CLDN2: variants seen among roughly 807,000 people sequenced by gnomAD.
CLDN2 encodes claudin 2, also known as claudin-2.
CLDN2 carries 1 observed loss-of-function variant against 8.2 expected under a neutral mutation model. The observed-to-expected ratio is 0.12, with a 90% confidence interval of 0.04 to 0.58. The LOEUF is 0.58. Among genes scored for constraint, CLDN2 ranks in the 20% least tolerant of loss-of-function variants. The pLI, the probability that CLDN2 is intolerant of heterozygous loss-of-function variation, is 0.90. For missense variants in CLDN2, 108 were observed against 172.9 expected (o/e 0.62, Z 2.11); for synonymous variants, 70 against 70.2 (o/e 1.00, Z 0.01).
chrX:106,928,799 C>A lies in CLDN2; in HGVS notation c.571C>A (p.Arg191Ser). ...LCFSCSSQRN[R>S]SNYYDAYQAQ... ...CTTTTCCTGCTCATCCCAGAGAAAT[C>A]GCTCCAACTACTACGATGCCTACCA... The change falls in exon 2 of 2, where the codon CGC becomes AGC. Residue 191 changes from arginine to serine, a missense_variant. Arg to Ser is a moderately radical substitution (Grantham distance 110). Coordinates refer to ENST00000336803, the MANE Select transcript of CLDN2 (RefSeq NM_020384.4). 1 of 1,211,164 alleles carries A rather than the reference C, an allele frequency of 8.3e-7. No homozygotes were observed. The highest frequency in any genetic ancestry group is 1.7e-5 in the African/African-American group (1 of 57,710).
chrX:106,907,797 T>C (rs1371757770), intron 1 of CLDN2, among the ~76,000 whole-genome samples: 2 of 110,855 alleles, frequency 1.8e-5, no homozygotes, highest in Non-Finnish European at 3.8e-5. Flanking sequence ...TTTTTGGTAG[T>C]AAAATGTTCT....
intron 1 of CLDN2, among the ~76,000 whole-genome samples, chrX:106,911,657 C>T (rs751340338): frequency 4.4e-5 from 5 of 112,380 alleles, no homozygotes; most frequent in African/African-American, 1.6e-4. Context: ...GTAGGGGTGC[C>T]AGCCCTCTTT....
chrX:106,913,653 C>T (rs1933273705), upstream of CLDN2, among the ~76,000 whole-genome samples: 1 of 111,567 alleles, frequency 9.0e-6, no homozygotes, highest in African/African-American at 3.3e-5. Flanking sequence ...CCTGAGTTCC[C>T]TGCTTAGGGT....
At chrX:106,908,748 A>T (rs750971415) in intron 1 of CLDN2, among the ~76,000 whole-genome samples, 1 of 109,396 alleles carries the variant, frequency 9.1e-6, no homozygotes, top group African/African-American at 3.3e-5. Flanking sequence ...CCCAACACCC[A>T]TGGCTATTTT....
At chrX:106,921,627 A>G (rs947334755) in intron 1 of CLDN2, among the ~76,000 whole-genome samples, 6 of 112,129 alleles carry the variant, frequency 5.4e-5, no homozygotes, top group East Asian at 5.6e-4. Context: ...TACCATGCAC[A>G]AGACTCTTGG....
upstream of CLDN2, among the ~76,000 whole-genome samples, chrX:106,919,932 T>A (rs755113809): frequency 1.7e-4 from 19 of 112,503 alleles, no homozygotes; most frequent in Middle Eastern, 4.6e-3. Flanking sequence ...ACAGTACCCA[T>A]GTTTGCCCTT....
At chrX:106,900,855 A>G in intron 1 of CLDN2, 1 of 1,210,918 alleles carries the variant, frequency 8.3e-7, no homozygotes, top group Non-Finnish European at 1.1e-6. Flanking sequence ...CTGCAGTAAA[A>G]TCTCCCCAGC....
intron 1 of CLDN2, among the ~76,000 whole-genome samples, chrX:106,921,938 G>A (rs1933398912): frequency 8.9e-6 from 1 of 112,342 alleles, no homozygotes; most frequent in Non-Finnish European, 1.9e-5. Context: ...AAAACTGGCT[G>A]CTTCTAATAA....
chrX:106,926,515 G>C (rs1478682648), intron 1 of CLDN2, among the ~76,000 whole-genome samples: 1 of 110,686 alleles, frequency 9.0e-6, no homozygotes, highest in African/African-American at 3.3e-5. Flanking sequence ...AGTAGGGAAA[G>C]AGAAATCTTG....
At chrX:106,902,496 A>G (rs1353591460) in intron 1 of CLDN2, among the ~76,000 whole-genome samples, 1 of 112,276 alleles carries the variant, frequency 8.9e-6, no homozygotes, top group Non-Finnish European at 1.9e-5. Flanking sequence ...AACACCTAGT[A>G]CAATGTCTGG....
chrX:106,905,685 G>A (rs1569285880), intron 1 of CLDN2, among the ~76,000 whole-genome samples: 1 of 111,077 alleles, frequency 9.0e-6, no homozygotes, highest in Non-Finnish European at 1.9e-5. Flanking sequence ...AGAATCAGCA[G>A]AAGGAAGGAG....
Position 106,900,995 on chromosome X carries a change from C to A in CLDN2, c.-179+491C>A, listed in dbSNP as rs768503495. On this transcript the variant is annotated intron_variant, in intron 1 of 1. Coordinates refer to the CLDN2 transcript ENST00000541806. ...GCCAAGAAAGAAGCTGGCCCCTAAA[C>A]CCCTTCTCTTGGCTGCAACAATGAG... 50 of 1,113,013 alleles carry A rather than the reference C, an allele frequency of 4.5e-5. No individual in the cohort carries two copies. The African/African-American group carries it at 5.8e-4, about 13-fold the overall frequency. The allele number at this position is 1,113,013 out of a possible 1,213,427, so 91.7% of individuals were successfully genotyped here.
chrX:106,900,609 C>A, intron 1 of CLDN2: 1 of 1,023,993 alleles, frequency 9.8e-7, no homozygotes, highest in Non-Finnish European at 1.3e-6. Flanking sequence ...GAAAACTTGC[C>A]AGACAAACTG....
At chrX:106,912,408 C>CT (rs1158258640) in intron 1 of CLDN2, among the ~76,000 whole-genome samples, 2,776 of 67,844 alleles carry the variant, frequency 0.041, 81 homozygotes, top group Non-Finnish European at 0.059. Flanking sequence ...TTATGGAACT[C>CT]TTTTTTTTTT....
intron 1 of CLDN2, among the ~76,000 whole-genome samples, chrX:106,925,852 CA>C (rs1308686192): frequency 8.9e-6 from 1 of 111,822 alleles, no homozygotes; most frequent in Non-Finnish European, 1.9e-5. Context: ...ACTAAAAATA[CA>C]AAATTAGCTG....
At position 106,930,643 on chromosome X, in the gene CLDN2, C is replaced by A. The variant is rs1245296801; in HGVS notation, c.*1722C>A. ...TCTGATCACTCCATCCCTCTCCTAC[C>A]CCTCCCTCCCCCAACCCTCAATGTA... is the stretch of plus-strand genomic sequence containing the variant. On this transcript the variant is annotated 3_prime_UTR_variant, in exon 2 of 2. Transcript: ENST00000336803. 8.1e-6 allele frequency: 1 copy of A among 122,801 alleles called. No individual in the cohort carries two copies. Among genetic ancestry groups the A allele is most frequent in the African/African-American group, 3.3e-5 (1 of 30,673 alleles). The allele number at this position is 122,801 out of a possible 1,213,427, so 10.1% of individuals were successfully genotyped here.
chrX:106,927,877 G>T (rs1490367057), intron 1 of CLDN2, among the ~76,000 whole-genome samples, 174 bp from the exon 2 acceptor site: 1 of 112,377 alleles, frequency 8.9e-6, no homozygotes, highest in East Asian at 2.8e-4. Flanking sequence ...GCCAACCTAA[G>T]GCATGTGCCT....
At chrX:106,916,345 C>A (rs750074302), upstream of CLDN2, among the ~76,000 whole-genome samples, 1 of 110,804 alleles carries the variant, frequency 9.0e-6, no homozygotes, top group East Asian at 2.8e-4. Flanking sequence ...CTTGTAAAGG[C>A]CTAGAGGGAA....
upstream of CLDN2, among the ~76,000 whole-genome samples, chrX:106,917,684 T>C (rs1357264036): frequency 1.8e-5 from 2 of 109,846 alleles, no homozygotes; most frequent in Non-Finnish European, 3.8e-5. Context: ...TTGATTTTCT[T>C]CCTCAAAGAC....
Sources: gnomAD v4.1 joint callset for allele counts (sites outside exome capture counted in the v4.1 genomes callset) on GRCh38, gnomAD v4.1.1 for gene constraint, MANE v1.5 for transcripts, NCBI Gene and HGNC (gene_info 2026-07-23, HGNC 2026-07-21) for gene names.